WASHC2C: variants seen among roughly 807,000 people sequenced by gnomAD.
WASHC2C encodes the protein Vaccinia Penetration Factor.
Under a neutral mutation model 142.2 loss-of-function variants are expected in WASHC2C, and 73 were observed. The observed-to-expected ratio is 0.51, with a 90% CI of 0.43 to 0.62. The LOEUF (loss-of-function observed/expected upper bound fraction) is 0.62. WASHC2C is among the 20% of genes least tolerant of loss of function. WASHC2C has a pLI of 0.00. For missense variants in WASHC2C, 969 were observed against 1,531.7 expected, an observed-to-expected ratio of 0.63 and a Z score of 6.13; for synonymous variants, 337 against 565.5, an observed-to-expected ratio of 0.60 and a Z score of 5.73.
rs1477747588 is a variant in WASHC2C at position 45,757,143 on chromosome 10, A to G, written c.1548+4A>G. ...TAAAGCAAGAGCAGAAAAAAAGGTG[A>G]GCAGGAGGGAAGACTTAACGCAGGA... On this transcript the variant is annotated splice_donor_region_variant and intron_variant, in intron 16 of 30. Coordinates refer to ENST00000623400, the MANE Select transcript of WASHC2C (RefSeq NM_001330074.2). 1 of 1,605,036 alleles carries G rather than the reference A, an allele frequency of 6.2e-7. No individual in the cohort carries two copies. The highest frequency in any genetic ancestry group is 1.3e-5 in the African/African-American group (1 of 74,100).
intron 12 of WASHC2C, 52 bp downstream of exon 12, chr10:45,752,758 C>T: frequency 7.9e-7 from 1 of 1,258,954 alleles, no homozygotes; most frequent in Non-Finnish European, 1.1e-6. Context: ...TGTCAGGGGT[C>T]CACAGGGAAG....
At position 45,749,461 on chromosome 10, in the gene WASHC2C, T is replaced by G. The variant is rs186155369; in HGVS notation, c.733-635T>G. On this transcript the variant is annotated intron_variant, in intron 8 of 30. Transcript: ENST00000623400. The stretch of plus-strand genomic sequence containing the variant: ...AAAAATAAATAAATAAAAATATTTC[T>G]CTAGTAACAGCCATTTTTGATATTT... Among the ~76,000 whole-genome samples the G allele has an allele frequency of 4.9e-3, 740 of 150,482 alleles. 11 individuals carry two copies. Among genetic ancestry groups the G allele is most frequent in the African/African-American group, 0.018 (706 of 40,276 alleles).
intron 5 of WASHC2C, 55 bp from the exon 6 acceptor site, chr10:45,743,335 G>T (rs2052383482): frequency 6.2e-7 from 1 of 1,610,650 alleles, no homozygotes; most frequent in Non-Finnish European, 8.5e-7. Context: ...GGTGGCACAT[G>T]TAAGTTTGTT....
rs532874798 is a variant in WASHC2C at position 45,759,014 on chromosome 10, T to C, written c.1549-301T>C. ...CCTGCCGACCACCTAAGGCCCAGCA[T>C]TCAGAACCTGTCAGGCCCGTCAGGC... On this transcript the variant is annotated intron_variant, in intron 16 of 30. Transcript: ENST00000623400. 2.4e-3 allele frequency among the ~76,000 whole-genome samples: 360 copies of C among 150,154 alleles called. 2 individuals are homozygous for C. The highest frequency in any genetic ancestry group is 8.6e-3 in the African/African-American group (352 of 40,812).
At chr10:45,786,560 C>A (rs1741246009) in intron 26 of WASHC2C, 52 bp from the exon 27 acceptor site, 1 of 1,605,368 alleles carries the variant, frequency 6.2e-7, no homozygotes, top group African/African-American at 1.3e-5. Context: ...ATAAGAAACA[C>A]TTGTCTTTCT....
upstream of WASHC2C, chr10:45,727,256 G>T: frequency 6.5e-7 from 1 of 1,535,934 alleles, no homozygotes; most frequent in Non-Finnish European, 8.8e-7. Context: ...CTAGGCTTCC[G>T]GGGCTCTGCG....
intron 27 of WASHC2C, 57 bp from the exon 28 acceptor site, chr10:45,786,978 A>G (rs2058090125): frequency 1.2e-6 from 2 of 1,610,936 alleles, no homozygotes; most frequent in South Asian, 2.2e-5. Context: ...TGTCACAATA[A>G]AGATAATAGA....
At chr10:45,736,736 G>C (rs1409214704) in intron 3 of WASHC2C, among the ~76,000 whole-genome samples, 1 of 152,154 alleles carries the variant, frequency 6.6e-6, no homozygotes, top group Non-Finnish European at 1.5e-5. Flanking sequence ...GATCAGGTTG[G>C]GGATAGGGAG....
At chr10:45,727,950 C>G (rs2050089416) in intron 2 of WASHC2C, among the ~76,000 whole-genome samples, 1 of 152,202 alleles carries the variant, frequency 6.6e-6, no homozygotes, top group Non-Finnish European at 1.5e-5. Context: ...TGTTCGAGTC[C>G]CAAATGAATA....
chr10:45,786,002 C>T, intron 26 of WASHC2C: 1 of 276,310 alleles, frequency 3.6e-6, no homozygotes, highest in East Asian at 9.7e-5. Context: ...CCTGCCTGCT[C>T]TCAGTGTTGC....
Position 45,791,699 on chromosome 10 carries a change from A to C in WASHC2C, c.3887-562A>C, listed in dbSNP as rs1414202468. 8.1e-4 allele frequency among the ~76,000 whole-genome samples: 119 copies of C among 146,164 alleles called. 12 individuals are homozygous for C. Among genetic ancestry groups the C allele is most frequent in the African/African-American group, 2.9e-3 (115 of 40,100 alleles). On this transcript the variant is annotated intron_variant, in intron 30 of 30. Coordinates refer to ENST00000623400, the MANE Select transcript of WASHC2C (RefSeq NM_001330074.2). ...ACCTAACTTTATGTATACATGCTAA[A>C]ATCATGGTTGGATAAAACCCTAGCA...
At chr10:45,770,880 G>A (rs2135388487) in intron 20 of WASHC2C, among the ~76,000 whole-genome samples, 1 of 152,276 alleles carries the variant, frequency 6.6e-6, no homozygotes, top group South Asian at 2.1e-4. Context: ...GGTTTGTTGG[G>A]ATGATGAGGT....
chr10:45,752,623 A>T lies in WASHC2C; in HGVS notation c.1039A>T (p.Thr347Ser). Residue 347 changes from threonine (T) to serine (S), a missense_variant, in exon 12 of 31, where the codon ACC becomes TCC. Transcript: ENST00000623400. ...EDNLFAPPKL[T>S]DEDFSPFGSG... is the part of the protein sequence containing the mutation. The stretch of plus-strand genomic sequence containing the variant: ...TAACTTATTCGCACCCCCCAAGCTG[A>T]CCGACGAGGACTTCTCGCCATTTGG... 1 of 1,609,824 alleles carries T rather than the reference A, an allele frequency of 6.2e-7. No homozygotes were observed.
In WASHC2C at chr10:45,792,561, C is replaced by T. The variant is rs2058446721; in HGVS notation, c.*161C>T. 1.9e-6 allele frequency: 2 copies of T among 1,061,546 alleles called. No homozygotes were observed. Among genetic ancestry groups the T allele is most frequent in the East Asian group, 2.4e-5 (1 of 41,006 alleles). 65.8% of individuals were successfully genotyped at this position (1,061,546 alleles called of 1,614,324 possible). ...TAGTATTTTTCTGCACTGGTTTAATCATGCTTAATACTACAAAACAAAAAT... is the reference window on the plus strand; with the variant it reads ...TAGTATTTTTCTGCACTGGTTTAATTATGCTTAATACTACAAAACAAAAAT... On this transcript the variant is annotated 3_prime_UTR_variant, in exon 31 of 31. Transcript: ENST00000623400.
intron 3 of WASHC2C, among the ~76,000 whole-genome samples, chr10:45,729,917 A>T (rs1297820628): frequency 5.3e-5 from 8 of 152,254 alleles, no homozygotes; most frequent in Non-Finnish European, 8.8e-5. Context: ...ATTTTTTAAT[A>T]GCTCAAGTTA....
chr10:45,787,566 C>T (rs374923294), intron 28 of WASHC2C, among the ~76,000 whole-genome samples: 1,865 of 149,908 alleles, frequency 0.012, 12 homozygotes, highest in Middle Eastern at 0.037. Context: ...CAGATCATGC[C>T]CCTCCTGCTG....
intron 17 of WASHC2C, among the ~76,000 whole-genome samples, chr10:45,762,758 T>C (rs2055284996): frequency 6.6e-6 from 1 of 151,628 alleles, no homozygotes; most frequent in African/African-American, 2.4e-5. Context: ...ACAAAAAAAT[T>C]AGCCGGGCGT....
intron 18 of WASHC2C, among the ~76,000 whole-genome samples, 162 bp downstream of exon 18, chr10:45,763,651 A>G (rs1317217227): frequency 4.0e-5 from 6 of 151,836 alleles, no homozygotes; most frequent in Non-Finnish European, 7.4e-5. Flanking sequence ...TATTTCAGTG[A>G]CTTCTTCCTT....
At chr10:45,731,711 A>T (rs2050604546) in intron 3 of WASHC2C, among the ~76,000 whole-genome samples, 1 of 152,078 alleles carries the variant, frequency 6.6e-6, no homozygotes, top group Non-Finnish European at 1.5e-5. Context: ...GTGGCAAAGC[A>T]TGATAATACT....
Sources: allele counts gnomAD v4.1 joint callset (sites outside exome capture counted in the v4.1 genomes callset), GRCh38; gene constraint gnomAD v4.1.1; transcripts MANE v1.5; gene names NCBI Gene and HGNC (gene_info 2026-07-23, HGNC 2026-07-21).